The following CDH23 variants were observed in gnomAD, a reference collection of about 807,000 sequenced individuals.
CDH23 encodes the protein cadherin related 23, also known as cadherin-23.
A neutral mutation model predicts 317.1 loss-of-function variants in CDH23; 189 were observed. That is an observed-to-expected ratio of 0.60 (90% CI 0.53 to 0.67). The LOEUF (loss-of-function observed/expected upper bound fraction) is 0.67, where lower values mean the gene tolerates loss of function less well. CDH23 is among the 30% of genes least tolerant of loss of function. CDH23 has a pLI of 0.00. For synonymous variants in CDH23, 1,839 were observed against 1,876.8 expected (o/e 0.98, Z 0.52); for missense variants, 4,401 against 4,592.4 (o/e 0.96, Z 1.20).
In CDH23 at chr10:71,645,986, G is replaced by A; in HGVS notation, c.1290+6G>A. On this transcript the variant is annotated splice_donor_region_variant and intron_variant, in intron 13 of 69. Transcript: ENST00000224721. Reference sequence around the variant, plus strand: ...TGGACCGCTACGACTTTGATGTAAGGCCCCACTCACTGGCATTTTGGAGTG... The same window carrying A: ...TGGACCGCTACGACTTTGATGTAAGACCCCACTCACTGGCATTTTGGAGTG... The A allele has an allele frequency of 6.2e-7, 1 of 1,608,510 alleles. No individual in the cohort carries two copies. Among genetic ancestry groups the A allele is most frequent in the Non-Finnish European group, 8.5e-7 (1 of 1,178,256 alleles).
chr10:71,709,243 T>C (rs771285700), intron 27 of CDH23, 32 bp downstream of exon 27: 2 of 1,583,438 alleles, frequency 1.3e-6, no homozygotes, highest in Non-Finnish European at 1.7e-6. Flanking sequence ...ACCAACACAG[T>C]GATCTGGGCA....
Position 71,541,314 on chromosome 10 carries a change from C to A in CDH23, c.430-25428C>A, listed in dbSNP as rs142697061. Among the ~76,000 whole-genome samples the A allele has an allele frequency of 9.4e-4, 143 of 152,328 alleles. 2 individuals are homozygous for A. In the East Asian group the frequency reaches 0.024, roughly 26 times the overall value. On this transcript the variant is annotated intron_variant, in intron 6 of 69. Transcript: ENST00000224721. ...CTGATTCCTCTCCTCCTGGCCCCCG[C>A]AACAGCCACACGGTCACCTGCCTAT...
At chr10:71,765,896 G>C (rs1840529784) in intron 38 of CDH23, among the ~76,000 whole-genome samples, 1 of 152,140 alleles carries the variant, frequency 6.6e-6, no homozygotes, top group Non-Finnish European at 1.5e-5. Context: ...GACAAACCAA[G>C]GGTCCACAGG....
intron 3 of CDH23, among the ~76,000 whole-genome samples, chr10:71,489,398 G>A (rs1022013644): frequency 1.3e-5 from 2 of 152,058 alleles, no homozygotes; most frequent in Admixed American, 1.3e-4. Context: ...ATCATATTTT[G>A]ATTCCTAAGG....
In CDH23 at chr10:71,397,309, C is replaced by A. The variant is rs760922529; in HGVS notation, c.-15C>A. The A allele has an allele frequency of 9.3e-4, 148 of 158,664 alleles. 1 individual carries two copies. Among genetic ancestry groups the A allele is most frequent in the Non-Finnish European group, 1.1e-3 (78 of 71,530 alleles). 9.8% of individuals were successfully genotyped at this position (158,664 alleles called of 1,614,324 possible). The stretch of plus-strand genomic sequence containing the variant: ...AGGCGAGGCGCGGCGCCGCTGCACA[C>A]ACGCACACGGTACCCGGAGCCACGC... On this transcript the variant is annotated 5_prime_UTR_variant, in exon 1 of 70. Coordinates refer to ENST00000224721, the MANE Select transcript of CDH23 (RefSeq NM_022124.6). This position sits in a 1 kb window ranked among gnomAD's most constrained non-coding sequence, Gnocchi z 4.8.
intron 9 of CDH23, among the ~76,000 whole-genome samples, chr10:71,586,006 G>T (rs1179884591): frequency 6.6e-6 from 1 of 152,170 alleles, no homozygotes; most frequent in South Asian, 2.1e-4. Flanking sequence ...GTCTGTCTCT[G>T]TCCCTTGCTC....
At chr10:71,438,347 CAAAAAA>C (rs10596696) in intron 1 of CDH23, among the ~76,000 whole-genome samples, 5 of 98,350 alleles carry the variant, frequency 5.1e-5, no homozygotes, top group African/African-American at 1.4e-4. Flanking sequence ...CTGTCTCAAA[CAAAAAA>C]AAAAAAAAAA....
At position 71,751,565 on chromosome 10, in the gene CDH23, C is replaced by T. The variant is rs1164661410; in HGVS notation, c.4845+9644C>T. The T allele has an allele frequency of 6.8e-6, 9 of 1,319,620 alleles. No individual in the cohort carries two copies. The highest frequency in any genetic ancestry group is 6.2e-5 in the South Asian group (4 of 64,648). The allele number at this position is 1,319,620 out of a possible 1,614,324, so 81.7% of individuals were successfully genotyped here. Reference sequence around the variant, plus strand: ...CACCCTCAACCCCACCCCGTGAGGCCGTGGAACTCTTCAGGGAGGGCAGGG... The same window carrying T: ...CACCCTCAACCCCACCCCGTGAGGCTGTGGAACTCTTCAGGGAGGGCAGGG... On this transcript the variant is annotated intron_variant, in intron 38 of 69. Coordinates refer to ENST00000224721, the MANE Select transcript of CDH23 (RefSeq NM_022124.6). The surrounding 1 kb of genome is among the most constrained non-coding windows in gnomAD (Gnocchi z 4.9).
At chr10:71,512,540 G>A (rs1368426849) in intron 6 of CDH23, among the ~76,000 whole-genome samples, 1 of 152,210 alleles carries the variant, frequency 6.6e-6, no homozygotes, top group Non-Finnish European at 1.5e-5. Context: ...GAAACCAAGG[G>A]CACGGCTCAG....
At chr10:71,500,759 G>GTTTTC (rs56124966) in intron 3 of CDH23, among the ~76,000 whole-genome samples, 8,361 of 134,454 alleles carry the variant, frequency 0.062, 364 homozygotes, top group South Asian at 0.11. Flanking sequence ...CTCTGAGCCT[G>GTTTTC]TTTTCTTTTC....
chr10:71,525,627 A>T (rs1589164801), intron 6 of CDH23, among the ~76,000 whole-genome samples: 1 of 152,146 alleles, frequency 6.6e-6, no homozygotes, highest in South Asian at 2.1e-4. Flanking sequence ...TGCAGGCAGG[A>T]ACCCATACCA....
rs71012280 is a variant in CDH23, at chr10:71,397,276, CCGAGGCGAGG to C, written c.-40_-31del. On this transcript the variant is annotated 5_prime_UTR_variant, in exon 1 of 70. Coordinates refer to ENST00000224721, the MANE Select transcript of CDH23 (RefSeq NM_022124.6). The surrounding 1 kb of genome is among the most constrained non-coding windows in gnomAD (Gnocchi z 4.8). ...GGGCCGATCCGGCGGAGAGCAGAGC[CCGAGGCGAGG>C]CGAGGCGCGGCGCCGCTGCACACAC... is the stretch of plus-strand genomic sequence containing the variant. 1.3e-4 allele frequency: 23 copies of C among 172,874 alleles called. No homozygotes were observed. The highest frequency in any genetic ancestry group is 1.0e-4 in the Non-Finnish European group (8 of 80,182). 10.7% of individuals were successfully genotyped at this position (172,874 alleles called of 1,614,324 possible). A position where few individuals can be genotyped will look rare whatever the true frequency, so the allele number is the denominator to read the frequency against.
At chr10:71,471,476 C>T (rs1443985974) in intron 3 of CDH23, among the ~76,000 whole-genome samples, 2 of 152,100 alleles carry the variant, frequency 1.3e-5, no homozygotes, top group Non-Finnish European at 2.9e-5. Flanking sequence ...ACCCTCTGCC[C>T]CCTTTATGTG....
intron 9 of CDH23, among the ~76,000 whole-genome samples, chr10:71,608,275 G>A (rs1860648214): frequency 6.6e-6 from 1 of 152,186 alleles, no homozygotes; most frequent in Non-Finnish European, 1.5e-5. Context: ...GCAGATCCCA[G>A]TTCTGCTCCC....
At chr10:71,639,425 C>T (rs1862428479) in intron 11 of CDH23, among the ~76,000 whole-genome samples, 2 of 152,214 alleles carry the variant, frequency 1.3e-5, no homozygotes, top group African/African-American at 4.8e-5. Flanking sequence ...AGGCTTTGTG[C>T]CCTGACCTGA....
At chr10:71,765,338 C>T (rs1424897840) in intron 38 of CDH23, among the ~76,000 whole-genome samples, 2 of 152,270 alleles carry the variant, frequency 1.3e-5, no homozygotes, top group Non-Finnish European at 2.9e-5. Flanking sequence ...GCTGGCTCAG[C>T]AGACACGGGG....
chr10:71,455,929 C>G (rs369286952), intron 3 of CDH23, among the ~76,000 whole-genome samples: 4 of 152,088 alleles, frequency 2.6e-5, no homozygotes, highest in Non-Finnish European at 4.4e-5. Flanking sequence ...TGCTGGGGTC[C>G]GGATTGCAGC....
intron 1 of CDH23, among the ~76,000 whole-genome samples, chr10:71,438,878 TGA>T (rs1849743002): frequency 6.6e-6 from 1 of 152,188 alleles, no homozygotes; most frequent in Non-Finnish European, 1.5e-5. Flanking sequence ...GTAATGTGTG[TGA>T]GTCTGGCCCT....
intron 69 of CDH23, among the ~76,000 whole-genome samples, chr10:71,814,160 T>A (rs2133012438): frequency 6.6e-6 from 1 of 152,324 alleles, no homozygotes; most frequent in African/African-American, 2.4e-5. Flanking sequence ...CTGGACACAA[T>A]TAGAGGTGAT....
Sources: gnomAD v4.1 joint callset for allele counts (sites outside exome capture counted in the v4.1 genomes callset) on GRCh38, gnomAD v4.1.1 for gene constraint, Gnocchi (gnomAD v3.1) non-coding constraint, MANE v1.5 for transcripts, NCBI Gene and HGNC (gene_info 2026-07-23, HGNC 2026-07-21) for gene names.